CRAMP1: variants seen among roughly 807,000 people sequenced by gnomAD.
CRAMP1 encodes protein cramped-like.
Under a neutral mutation model 115.4 loss-of-function variants are expected in CRAMP1, and 50 were observed. That is an observed-to-expected ratio of 0.43 (90% CI 0.35 to 0.55). CRAMP1 has a LOEUF of 0.55. Among genes scored for constraint, CRAMP1 ranks in the 20% least tolerant of loss-of-function variants. CRAMP1 has a pLI of 0.01. For missense variants in CRAMP1, 1,679 were observed against 1,721.7 expected, an observed-to-expected ratio of 0.98 and a Z score of 0.44; for synonymous variants, 866 against 745.4, an observed-to-expected ratio of 1.16 and a Z score of -2.64.
At chr16:1,622,840 C>T (rs1050494508) in intron 2 of CRAMP1, among the ~76,000 whole-genome samples, 3 of 151,262 alleles carry the variant, frequency 2.0e-5, no homozygotes, top group African/African-American at 7.3e-5. Context: ...CAGCTCACTG[C>T]AACCTCTGCC....
rs566177647 is a variant in CRAMP1, at chr16:1,666,490, G to A, written c.2926G>A (p.Glu976Lys). 19 of 1,613,884 alleles carry A rather than the reference G, an allele frequency of 1.2e-5. No homozygotes were observed. In the South Asian group the frequency reaches 1.6e-4, roughly 14 times the overall value. Residue 976 changes from glutamate to lysine, a missense_variant, in exon 16 of 21, where the codon GAG (glutamate) becomes AAG (lysine). This residue lies in a region of CRAMP1 where 709 missense variants were observed against 741.9 expected (regional missense o/e 0.96). Transcript: ENST00000397412. The surrounding 1 kb of genome is among the most constrained non-coding windows in gnomAD (Gnocchi z 5.0). Reference sequence around the variant, plus strand: ...GAACCCCCTCCCTGCCTTGGACACCGAGGGCTTGTCTGGCATCTCTCCACT... The same window carrying A: ...GAACCCCCTCCCTGCCTTGGACACCAAGGGCTTGTCTGGCATCTCTCCACT... ...SGNPLPALDT[E>K]GLSGISPLSS...
chr16:1,668,310 T>C (rs2036893735), intron 18 of CRAMP1, 117 bp downstream of exon 18: 3 of 806,474 alleles, frequency 3.7e-6, no homozygotes, highest in Non-Finnish European at 6.1e-6. Context: ...ATTGAAAACC[T>C]GTCACCTACA....
chr16:1,649,473 T>TAA (rs2036704619), intron 6 of CRAMP1, among the ~76,000 whole-genome samples: 1 of 147,808 alleles, frequency 6.8e-6, no homozygotes, highest in African/African-American at 2.6e-5. Context: ...CTGTTTGGCC[T>TAA]TATTTATTTC....
Position 1,666,357 on chromosome 16 carries a change from C to G in CRAMP1, c.2858-65C>G. ...TGCGAGGGAGAAGCTGTTCCCCGAG[C>G]CCTCTTGGGACATCTTATGGGTTGT... On this transcript the variant is annotated intron_variant, in intron 15 of 20. Transcript: ENST00000397412. The surrounding 1 kb of genome is among the most constrained non-coding windows in gnomAD (Gnocchi z 5.0). The G allele has an allele frequency of 1.3e-6, 2 of 1,483,022 alleles. No homozygotes were observed. The highest frequency in any genetic ancestry group is 1.8e-6 in the Non-Finnish European group (2 of 1,082,936). 91.9% of individuals were successfully genotyped at this position (1,483,022 alleles called of 1,614,324 possible).
intron 2 of CRAMP1, among the ~76,000 whole-genome samples, chr16:1,623,729 A>G (rs569646669): frequency 1.8e-4 from 28 of 152,346 alleles, no homozygotes; most frequent in Middle Eastern, 6.8e-3. Context: ...CTAGTGAGCC[A>G]GAGTGCCCTG....
intron 6 of CRAMP1, chr16:1,645,292 T>C: frequency 4.8e-6 from 1 of 210,348 alleles, no homozygotes; most frequent in Non-Finnish European, 1.0e-5. Flanking sequence ...GTTTAAGCGA[T>C]TCTCGTGCCT....
Position 1,637,906 on chromosome 16 carries a change from C to A in CRAMP1, c.777C>A (p.Gly259=). 1 of 1,525,400 alleles carries A rather than the reference C, an allele frequency of 6.6e-7. No individual in the cohort carries two copies. Among genetic ancestry groups the A allele is most frequent in the South Asian group, 1.3e-5 (1 of 78,640 alleles). 94.5% of individuals were successfully genotyped at this position (1,525,400 alleles called of 1,614,324 possible). Residue 259 remains glycine, a splice_region_variant and synonymous_variant, in exon 5 of 21, where the codon GGC becomes GGA. Transcript: ENST00000397412. ...GCGAGCTGCGCAAGAAGATTGGGGG[C>A]TGTGAGTACGCTGACTGTGGGGTTG... ...CYGELRKKIG[G]CMDDKNATKL...
intron 6 of CRAMP1, among the ~76,000 whole-genome samples, chr16:1,651,724 A>G (rs1729572549): frequency 6.8e-6 from 1 of 147,810 alleles, no homozygotes; most frequent in South Asian, 2.2e-4. Flanking sequence ...GGTCACCTAG[A>G]GGTGGATTGA....
At chr16:1,628,744 C>G (rs1266216757) in intron 3 of CRAMP1, among the ~76,000 whole-genome samples, 3 of 152,226 alleles carry the variant, frequency 2.0e-5, no homozygotes, top group African/African-American at 7.2e-5. Flanking sequence ...CCACCGCTGC[C>G]TTTTTGATGC....
intron 2 of CRAMP1, among the ~76,000 whole-genome samples, chr16:1,619,380 C>T (rs572808876): frequency 5.3e-5 from 8 of 152,192 alleles, no homozygotes; most frequent in African/African-American, 9.6e-5. Context: ...GGGGTTTTAC[C>T]GTATGGCCCA....
Position 1,672,321 on chromosome 16 carries a change from A to T in CRAMP1, c.3645+1512A>T, listed in dbSNP as rs2036929312. On this transcript the variant is annotated intron_variant, in intron 20 of 20. Coordinates refer to ENST00000397412, the MANE Select transcript of CRAMP1 (RefSeq NM_020825.4). The surrounding 1 kb of genome is among the most constrained non-coding windows in gnomAD (Gnocchi z 4.9). ...TGCAAACGTGTTCACCTTCAGAAAGAGCAGATCAGCGTTTAGCATGAGATT... is the reference window on the plus strand; with the variant it reads ...TGCAAACGTGTTCACCTTCAGAAAGTGCAGATCAGCGTTTAGCATGAGATT... Among the ~76,000 whole-genome samples, 1 of 152,184 alleles carries T rather than the reference A, an allele frequency of 6.6e-6. No individual in the cohort carries two copies. Among genetic ancestry groups the T allele is most frequent in the African/African-American group, 2.4e-5 (1 of 41,430 alleles).
At chr16:1,637,590 A>T (rs571836984) in intron 4 of CRAMP1, among the ~76,000 whole-genome samples, 7 of 152,178 alleles carry the variant, frequency 4.6e-5, no homozygotes, top group African/African-American at 1.7e-4. Context: ...TCCTCTGCCT[A>T]TTGGGGTAAA....
intron 2 of CRAMP1, among the ~76,000 whole-genome samples, chr16:1,624,947 G>A (rs184650084): frequency 6.6e-6 from 1 of 151,976 alleles, no homozygotes; most frequent in East Asian, 1.9e-4. Context: ...TGCTGGTCTC[G>A]AACTTTTGGC....
chr16:1,615,610 C>T (rs2036412158), intron 2 of CRAMP1, among the ~76,000 whole-genome samples: 1 of 152,110 alleles, frequency 6.6e-6, no homozygotes, highest in Middle Eastern at 3.2e-3. Flanking sequence ...TTGTAGTGTT[C>T]GCCCTTGTAT....
Position 1,632,111 on chromosome 16 carries a change from GTCTCCTT to G in CRAMP1, c.541-89_541-83del, listed in dbSNP as rs2036552121. On this transcript the variant is annotated intron_variant, in intron 3 of 20. Coordinates refer to ENST00000397412, the MANE Select transcript of CRAMP1 (RefSeq NM_020825.4). ...AGGGCTGCTTGTTTGACTACAGCCT[GTCTCCTT>G]TCTCCTTTCTCGGAACCTTGGAAAG... 15 of 1,281,636 alleles carry G rather than the reference GTCTCCTT, an allele frequency of 1.2e-5. No homozygotes were observed. In the South Asian group the frequency reaches 1.5e-4, roughly 13 times the overall value. The allele number at this position is 1,281,636 out of a possible 1,614,324, so 79.4% of individuals were successfully genotyped here.
At chr16:1,621,368 A>G (rs2036464653) in intron 2 of CRAMP1, among the ~76,000 whole-genome samples, 1 of 152,234 alleles carries the variant, frequency 6.6e-6, no homozygotes, top group East Asian at 1.9e-4. Flanking sequence ...AGGCTGTGGC[A>G]GGTGCTAGGG....
In CRAMP1 at chr16:1,675,093, G is replaced by GT. The variant is rs2036956140; in HGVS notation, c.*1048_*1049insT. The GT allele has an allele frequency of 6.6e-6, 1 of 152,218 alleles. No homozygotes were observed. Among genetic ancestry groups the GT allele is most frequent in the Admixed American group, 6.5e-5 (1 of 15,278 alleles). 9.4% of individuals were successfully genotyped at this position (152,218 alleles called of 1,614,324 possible). ...GACTTCTGTGTCTCCTTCCCATTTG[G>GT]GACACCCAGGTGAGGGCCCAGACAT... On this transcript the variant is annotated 3_prime_UTR_variant, in exon 21 of 21. Coordinates refer to ENST00000397412, the MANE Select transcript of CRAMP1 (RefSeq NM_020825.4).
intron 8 of CRAMP1, among the ~76,000 whole-genome samples, chr16:1,653,675 A>G (rs996258888): frequency 6.7e-6 from 1 of 149,254 alleles, no homozygotes; most frequent in Non-Finnish European, 1.5e-5. Context: ...TAAAAATACA[A>G]AAAAAAAAGG....
At chr16:1,667,192 A>T in intron 16 of CRAMP1, 143 bp from the exon 17 acceptor site, 1 of 661,470 alleles carries the variant, frequency 1.5e-6, no homozygotes, top group Non-Finnish European at 2.7e-6. Flanking sequence ...TCTCGACCTT[A>T]GACCCCTGTC....
Sources: allele counts gnomAD v4.1 joint callset (sites outside exome capture counted in the v4.1 genomes callset), GRCh38; gene constraint gnomAD v4.1.1; regional missense constraint gnomAD v4.1.1; non-coding constraint Gnocchi (gnomAD v3.1); transcripts MANE v1.5; gene names NCBI Gene and HGNC (gene_info 2026-07-23, HGNC 2026-07-21).